The following ACOT13 variants were observed in gnomAD, a reference collection of about 807,000 sequenced individuals.
ACOT13 encodes acyl-CoA thioesterase 13.
Under a neutral mutation model 11.8 loss-of-function variants are expected in ACOT13, and 10 were observed. The observed-to-expected ratio is 0.85, with a 90% CI of 0.53 to 1.44. ACOT13 has a LOEUF of 1.44. Among genes scored for constraint, ACOT13 ranks in the 40% most tolerant of loss-of-function variants. The pLI is 0.00. For synonymous variants in ACOT13, 53 were observed against 61.0 expected, an observed-to-expected ratio of 0.87 and a Z score of 0.61; for missense variants, 172 against 174.1, an observed-to-expected ratio of 0.99 and a Z score of 0.07.
At chr6:24,692,521 A>G (rs1214104717) in intron 1 of ACOT13, among the ~76,000 whole-genome samples, 7 of 152,162 alleles carry the variant, frequency 4.6e-5, no homozygotes, top group Middle Eastern at 3.4e-3. Context: ...GGCTCAAGCG[A>G]TCCTCCCCAC....
intron 2 of ACOT13, chr6:24,701,171 A>T (rs1778885953): frequency 8.9e-6 from 2 of 225,274 alleles, no homozygotes; most frequent in South Asian, 3.0e-4. Context: ...GAAATCTTTC[A>T]CCAGCCCCAA....
chr6:24,701,970 C>A lies in ACOT13; in HGVS notation c.*355C>A. 1 of 162,058 alleles carries A rather than the reference C, an allele frequency of 6.2e-6. No individual in the cohort carries two copies. The highest frequency in any genetic ancestry group is 1.3e-5 in the Non-Finnish European group (1 of 74,544). The allele number at this position is 162,058 out of a possible 1,614,324, so 10.0% of individuals were successfully genotyped here. ...AATGGTTCTAATTCTGTTTGGGCTG[C>A]TAGGAACAACAGAAATTTTTCATGG... is the stretch of plus-strand genomic sequence containing the variant. On this transcript the variant is annotated 3_prime_UTR_variant, in exon 3 of 3. Transcript: ENST00000230048.
chr6:24,699,279 G>A (rs148847460), intron 2 of ACOT13, among the ~76,000 whole-genome samples: 2,197 of 145,930 alleles, frequency 0.015, 29 homozygotes, highest in Non-Finnish European at 0.021. Flanking sequence ...GTGCAGTCTC[G>A]GCTCACTGCA....
chr6:24,697,856 G>A (rs910074333), intron 1 of ACOT13, 27 bp from the exon 2 acceptor site: 8 of 1,561,362 alleles, frequency 5.1e-6, no homozygotes, highest in African/African-American at 1.4e-5. Flanking sequence ...CAGAATTAAT[G>A]TTCAGGATTC....
intron 1 of ACOT13, among the ~76,000 whole-genome samples, chr6:24,668,636 C>T (rs1016293780): frequency 1.3e-5 from 2 of 152,210 alleles, no homozygotes; most frequent in Non-Finnish European, 2.9e-5. Flanking sequence ...GTACTCATCT[C>T]ATGTAAATGA....
At chr6:24,670,993 T>TA (rs1378117489) in intron 1 of ACOT13, among the ~76,000 whole-genome samples, 6 of 152,108 alleles carry the variant, frequency 3.9e-5, no homozygotes, top group Non-Finnish European at 8.8e-5. Context: ...GAGGAATAGT[T>TA]ACGTTTTTAC....
chr6:24,672,621 C>T (rs1396906152), intron 1 of ACOT13, among the ~76,000 whole-genome samples: 2 of 152,174 alleles, frequency 1.3e-5, no homozygotes, highest in African/African-American at 4.8e-5. Flanking sequence ...GCCTGGGTGA[C>T]AGGGCGAGAC....
chr6:24,685,332 C>CTTTTTTTTTTTTTTTTT (rs563020332), intron 1 of ACOT13, among the ~76,000 whole-genome samples: 6 of 116,762 alleles, frequency 5.1e-5, no homozygotes, highest in Non-Finnish European at 7.2e-5. Context: ...TTTTACTGTA[C>CTTTTTTTTTTTTTTTTT]TTTTTTTTTT....
Position 24,688,616 on chromosome 6 carries a change from C to T in ACOT13, c.82-9267C>T, listed in dbSNP as rs1439554880. Reference sequence around the variant, plus strand: ...CCATGGGAGAATTAGTAAAAGAAATCACAGCAACTGCATGTGACTGAGTCC... The same window carrying T: ...CCATGGGAGAATTAGTAAAAGAAATTACAGCAACTGCATGTGACTGAGTCC... On this transcript the variant is annotated intron_variant, in intron 1 of 2. Transcript: ENST00000230048. Among the ~76,000 whole-genome samples, 4 of 151,200 alleles carry T rather than the reference C, an allele frequency of 2.6e-5. No homozygotes were observed. In the East Asian group the frequency reaches 7.8e-4, roughly 29 times the overall value.
rs190568566 is a variant in ACOT13, at chr6:24,674,052, G to T, written c.81+6708G>T. Among the ~76,000 whole-genome samples, 15 of 151,674 alleles carry T rather than the reference G, an allele frequency of 9.9e-5. No individual in the cohort carries two copies. The East Asian group carries it at 1.2e-3, about 12-fold the overall frequency. On this transcript the variant is annotated intron_variant, in intron 1 of 2. Coordinates refer to ENST00000230048, the MANE Select transcript of ACOT13 (RefSeq NM_018473.4). Reference sequence around the variant, plus strand: ...ATAACCTTTAAATAAGTTTTGTGGGGTTTTTTTTGTTTGTTTGTTTTTTAT... The same window carrying T: ...ATAACCTTTAAATAAGTTTTGTGGGTTTTTTTTTGTTTGTTTGTTTTTTAT...
chr6:24,673,117 C>A (rs1778388995), intron 1 of ACOT13, among the ~76,000 whole-genome samples: 1 of 152,046 alleles, frequency 6.6e-6, no homozygotes, highest in South Asian at 2.1e-4. Flanking sequence ...ATTAAAAAAT[C>A]TTTTTTTAAT....
chr6:24,668,614 A>G (rs753142398), intron 1 of ACOT13, among the ~76,000 whole-genome samples: 20 of 152,212 alleles, frequency 1.3e-4, no homozygotes, highest in African/African-American at 4.1e-4. Context: ...GAAGTCTCCT[A>G]TTGGCCACTT....
chr6:24,687,481 C>T (rs1778650397), intron 1 of ACOT13: 4 of 1,366,960 alleles, frequency 2.9e-6, no homozygotes, highest in Non-Finnish European at 3.8e-6. Flanking sequence ...CATGTGGACT[C>T]CAACACACAT....
intron 1 of ACOT13, among the ~76,000 whole-genome samples, chr6:24,671,092 C>T (rs1778355741): frequency 6.6e-6 from 1 of 152,072 alleles, no homozygotes; most frequent in Non-Finnish European, 1.5e-5. Context: ...TACCATTTGA[C>T]CCAGCCATCC....
chr6:24,692,409 A>T lies in ACOT13; in HGVS notation c.82-5474A>T, dbSNP rs184437797. 2.6e-5 allele frequency among the ~76,000 whole-genome samples: 4 copies of T among 152,272 alleles called. No individual in the cohort carries two copies. In the East Asian group the frequency reaches 7.7e-4, roughly 29 times the overall value. ...TTTGATAATAGTTTTTATAATAAGG[A>T]TGCAAATTAAAGTGGTGTTGTTTTG... On this transcript the variant is annotated intron_variant, in intron 1 of 2. Coordinates refer to ENST00000230048, the MANE Select transcript of ACOT13 (RefSeq NM_018473.4).
At position 24,700,731 on chromosome 6, in the gene ACOT13, C is replaced by T. The variant is rs556350971; in HGVS notation, c.267-728C>T. 7.9e-5 allele frequency among the ~76,000 whole-genome samples: 12 copies of T among 152,190 alleles called. No individual in the cohort carries two copies. In the South Asian group the frequency reaches 1.0e-3, roughly 13 times the overall value. ...GATTACAGGCTTGAGCCATCGTGCC[C>T]GGCCAGATCCACCTTTCTTATACCT... On this transcript the variant is annotated intron_variant, in intron 2 of 2. Coordinates refer to ENST00000230048, the MANE Select transcript of ACOT13 (RefSeq NM_018473.4).
At chr6:24,669,504 G>A (rs1407250317) in intron 1 of ACOT13, among the ~76,000 whole-genome samples, 1 of 152,238 alleles carries the variant, frequency 6.6e-6, no homozygotes, top group East Asian at 1.9e-4. Context: ...TTTTAACTTA[G>A]TGATTTGGGG....
At chr6:24,699,404 G>A (rs1299424036) in intron 2 of ACOT13, among the ~76,000 whole-genome samples, 1 of 152,234 alleles carries the variant, frequency 6.6e-6, no homozygotes, top group South Asian at 2.1e-4. Context: ...TAGAGATGGG[G>A]TTTCACCGTG....
At chr6:24,691,715 G>C (rs1481000445) in intron 1 of ACOT13, among the ~76,000 whole-genome samples, 1 of 152,210 alleles carries the variant, frequency 6.6e-6, no homozygotes, top group Non-Finnish European at 1.5e-5. Context: ...AAGGCCCTCA[G>C]ACTTTCCATT....
Sources: gnomAD v4.1 joint callset for allele counts (sites outside exome capture counted in the v4.1 genomes callset) on GRCh38, gnomAD v4.1.1 for gene constraint, MANE v1.5 for transcripts, NCBI Gene and HGNC (gene_info 2026-07-23, HGNC 2026-07-21) for gene names.